The following LAMA3 variants were observed in gnomAD, a reference collection of about 807,000 sequenced individuals.
LAMA3 encodes the protein laminin subunit alpha-3.
LAMA3 carries 281 observed loss-of-function variants against 402.0 expected under a neutral mutation model. The ratio of observed to expected loss-of-function variants is 0.70; its 90% confidence interval spans 0.63 to 0.77. The LOEUF is 0.77. LAMA3 is among the 30% of genes least tolerant of loss of function. The probability of loss-of-function intolerance (pLI) is 0.00; values close to 1 mark genes in which losing one functional copy is unlikely to be tolerated. For synonymous variants in LAMA3, 1,431 were observed against 1,558.4 expected (o/e 0.92, Z 1.93); for missense variants, 3,840 against 4,215.5 (o/e 0.91, Z 2.47).
intron 1 of LAMA3, among the ~76,000 whole-genome samples, chr18:23,707,081 AAAAAAC>A (rs541629561): frequency 1.3e-5 from 2 of 152,160 alleles, no homozygotes; most frequent in Admixed American, 1.3e-4. Context: ...TCCGTCTCAA[AAAAAAC>A]AAAAACAAAA....
At chr18:23,924,376 T>C (rs1464449874) in intron 62 of LAMA3, among the ~76,000 whole-genome samples, 1 of 151,916 alleles carries the variant, frequency 6.6e-6, no homozygotes, top group African/African-American at 2.4e-5. Context: ...GGTCTTGAAC[T>C]CCTGAGCTCA....
chr18:23,798,238 A>G (rs1161203483), intron 12 of LAMA3, among the ~76,000 whole-genome samples: 1 of 152,142 alleles, frequency 6.6e-6, no homozygotes, highest in Non-Finnish European at 1.5e-5. Flanking sequence ...GAAGGCAGGA[A>G]TGCGGAAACG....
rs368880445 is a variant in LAMA3 at position 23,839,971 on chromosome 18, C to T, written c.3336+42C>T. 218 of 1,603,606 alleles carry T rather than the reference C, an allele frequency of 1.4e-4. No homozygotes were observed. Among genetic ancestry groups the T allele is most frequent in the Non-Finnish European group, 1.8e-4 (207 of 1,170,580 alleles). On this transcript the variant is annotated intron_variant, in intron 27 of 74. Coordinates refer to ENST00000313654, the MANE Select transcript of LAMA3 (RefSeq NM_198129.4). The surrounding 1 kb of genome is among the most constrained non-coding windows in gnomAD (Gnocchi z 4.5). ...AAACCAGTGGTTCTCAAAGTATGAC[C>T]TCTGAAGCAGCAGCATCCACATCAC...
chr18:23,943,085 C>G (rs561119119), intron 68 of LAMA3, among the ~76,000 whole-genome samples: 1 of 152,252 alleles, frequency 6.6e-6, no homozygotes, highest in Admixed American at 6.5e-5. Flanking sequence ...TCAAGTTGTC[C>G]CCTACTTCTC....
rs1034988352 is a variant in LAMA3, at chr18:23,948,724, C to T, written c.9352-1041C>T. On this transcript the variant is annotated intron_variant, in intron 70 of 74. Transcript: ENST00000313654. ...AGCTGGGACTACAGGCACCTGCCAC[C>T]ACACCTGGCTAATTTTTGTATTTTT... Among the ~76,000 whole-genome samples, 5 of 152,142 alleles carry T rather than the reference C, an allele frequency of 3.3e-5. No homozygotes were observed. In the East Asian group the frequency reaches 9.7e-4, roughly 29 times the overall value.
intron 32 of LAMA3, among the ~76,000 whole-genome samples, chr18:23,849,065 T>A (rs1048923516): frequency 6.6e-6 from 1 of 152,226 alleles, no homozygotes; most frequent in Non-Finnish European, 1.5e-5. Context: ...CGTACTCTGG[T>A]ATAACCTCAT....
chr18:23,878,541 C>G (rs550823591), intron 39 of LAMA3, among the ~76,000 whole-genome samples: 68 of 152,368 alleles, frequency 4.5e-4, no homozygotes, highest in African/African-American at 1.3e-3. Context: ...CTGCACTCAG[C>G]TAACGGCTCC....
chr18:23,813,553 C>CTTTTTTTTTTTTTTT (rs1164123647), intron 14 of LAMA3, among the ~76,000 whole-genome samples: 132 of 114,984 alleles, frequency 1.1e-3, no homozygotes, highest in Non-Finnish European at 1.8e-3. Flanking sequence ...TCTTTTCTTT[C>CTTTTTTTTTTTTTTT]TTTTTTTTTT....
At position 23,714,185 on chromosome 18, in the gene LAMA3, T is replaced by G. The variant is rs1237117052; in HGVS notation, c.447+113T>G. The G allele has an allele frequency of 2.8e-6, 3 of 1,077,560 alleles. No homozygotes were observed. The African/African-American group carries it at 4.8e-5, about 17-fold the overall frequency. The allele number at this position is 1,077,560 out of a possible 1,614,324, so 66.7% of individuals were successfully genotyped here. On this transcript the variant is annotated intron_variant, in intron 2 of 74. Coordinates refer to ENST00000313654, the MANE Select transcript of LAMA3 (RefSeq NM_198129.4). ...AAAACAAACTTCAGTTTTAATCCCCTCATCATTGTTAAACCTGTTACATTA... is the reference window on the plus strand; with the variant it reads ...AAAACAAACTTCAGTTTTAATCCCCGCATCATTGTTAAACCTGTTACATTA...
At chr18:23,821,427 AT>A (rs561939157) in intron 19 of LAMA3, among the ~76,000 whole-genome samples, 43 of 152,374 alleles carry the variant, frequency 2.8e-4, no homozygotes, top group East Asian at 1.9e-3. Flanking sequence ...GCTTAAAAAA[AT>A]ATCCCCTTCC....
chr18:23,917,723 ATTAT>A (rs2081686604), intron 60 of LAMA3, among the ~76,000 whole-genome samples: 1 of 152,174 alleles, frequency 6.6e-6, no homozygotes, highest in African/African-American at 2.4e-5. Context: ...TTGCTTGTTA[ATTAT>A]TTAAGTTCTG....
At chr18:23,932,372 G>A in intron 66 of LAMA3, 81 bp downstream of exon 66, 5 of 1,479,444 alleles carry the variant, frequency 3.4e-6, no homozygotes, top group Non-Finnish European at 4.7e-6. Context: ...AGTTAACAAA[G>A]TCAGCTTTGT....
rs896728154 is a variant in LAMA3 at position 23,770,586 on chromosome 18, C to G, written c.1183-2911C>G. ...ACCATCCTGGCTAATACGGTGAAACCCTGACTCTACTAAAAATACCAAAAA... is the reference window on the plus strand; with the variant it reads ...ACCATCCTGGCTAATACGGTGAAACGCTGACTCTACTAAAAATACCAAAAA... On this transcript the variant is annotated intron_variant, in intron 8 of 74. Transcript: ENST00000313654. 5.9e-5 allele frequency among the ~76,000 whole-genome samples: 9 copies of G among 152,082 alleles called. No homozygotes were observed. In the East Asian group the frequency reaches 1.7e-3, roughly 29 times the overall value.
Position 23,847,576 on chromosome 18 carries a change from C to T in LAMA3, c.4044C>T (p.His1348=). 1 of 1,614,120 alleles carries T rather than the reference C, an allele frequency of 6.2e-7. No homozygotes were observed. The highest frequency in any genetic ancestry group is 8.5e-7 in the Non-Finnish European group (1 of 1,180,044). The change falls in exon 32 of 75, where the codon CAC becomes CAT. Residue 1348 remains histidine, a synonymous_variant. Coordinates refer to ENST00000313654, the MANE Select transcript of LAMA3 (RefSeq NM_198129.4). ...EVCETHSFSF[H]PMAGCEGCNC... is the part of the protein sequence containing the mutation. ...GTGAGACACACTCATTCAGCTTCCA[C>T]CCCATGGCCGGCTGCGAAGGCTGCA... is the stretch of plus-strand genomic sequence containing the variant.
intron 56 of LAMA3, among the ~76,000 whole-genome samples, chr18:23,914,158 G>T (rs956000955): frequency 6.6e-6 from 1 of 152,078 alleles, no homozygotes; most frequent in Non-Finnish European, 1.5e-5. Flanking sequence ...GTAGGTGCTT[G>T]GCACATATTT....
intron 38 of LAMA3, chr18:23,872,924 C>A: frequency 7.9e-7 from 1 of 1,270,808 alleles, no homozygotes; most frequent in Non-Finnish European, 1.1e-6. Context: ...AAAGGTGGGG[C>A]CCCTGCCGCA....
chr18:23,906,794 T>G (rs1038801555), intron 52 of LAMA3, among the ~76,000 whole-genome samples: 1 of 152,248 alleles, frequency 6.6e-6, no homozygotes, highest in Non-Finnish European at 1.5e-5. Context: ...AATTTGAGCT[T>G]CGAGGTAGGC....
At chr18:23,706,137 G>A (rs1291501169) in intron 1 of LAMA3, among the ~76,000 whole-genome samples, 1 of 151,776 alleles carries the variant, frequency 6.6e-6, no homozygotes, top group African/African-American at 2.4e-5. Context: ...CATCCATATT[G>A]TTTCATTGTA....
intron 5 of LAMA3, among the ~76,000 whole-genome samples, chr18:23,751,380 T>C (rs1356584620): frequency 6.6e-6 from 1 of 152,186 alleles, no homozygotes; most frequent in East Asian, 1.9e-4. Context: ...AATTCCCAAA[T>C]CTCAGTGGCT....
Sources: allele counts gnomAD v4.1 joint callset (sites outside exome capture counted in the v4.1 genomes callset), GRCh38; gene constraint gnomAD v4.1.1; non-coding constraint Gnocchi (gnomAD v3.1); transcripts MANE v1.5; gene names NCBI Gene and HGNC (gene_info 2026-07-23, HGNC 2026-07-21).